Variants in SLC14A2 observed in about 807,000 individuals in gnomAD.
SLC14A2 encodes the protein urea transporter 2.
Under a neutral mutation model 104.6 loss-of-function variants are expected in SLC14A2, and 91 were observed. The observed-to-expected ratio is 0.87, with a 90% CI of 0.73 to 1.04. The LOEUF is 1.04. Ranked by LOEUF, SLC14A2 falls within the 50% of genes least tolerant of loss-of-function variation. The probability of loss-of-function intolerance (pLI) is 0.00; values close to 1 mark genes in which losing one functional copy is unlikely to be tolerated. For missense variants in SLC14A2, 1,189 were observed against 1,156.0 expected (o/e 1.03, Z -0.41); for synonymous variants, 476 against 466.4 (o/e 1.02, Z -0.27).
chr18:45,677,385 G>C (rs1211382896), intron 18 of SLC14A2, among the ~76,000 whole-genome samples: 1 of 152,154 alleles, frequency 6.6e-6, no homozygotes, highest in African/African-American at 2.4e-5. Flanking sequence ...CGGGGGCCTT[G>C]GTAGTGCTTG....
intron 10 of SLC14A2, among the ~76,000 whole-genome samples, chr18:45,645,665 T>C (rs2045612335): frequency 3.6e-5 from 1 of 27,994 alleles, no homozygotes; most frequent in African/African-American, 8.8e-5. Flanking sequence ...GCAAACTTTT[T>C]CTGTAAAGAG....
At chr18:45,183,131 C>T in the SLC14A2 span, among the ~76,000 whole-genome samples, 5 of 152,134 alleles carry the variant, frequency 3.3e-5, no homozygotes, top group Non-Finnish European at 5.9e-5. Flanking sequence ...GTACTGTTTG[C>T]GCTGGCTTCC....
chr18:45,485,776 A>T (rs1174174855), intron 2 of SLC14A2, among the ~76,000 whole-genome samples: 2 of 152,136 alleles, frequency 1.3e-5, no homozygotes, highest in Non-Finnish European at 2.9e-5. Flanking sequence ...GAACTGTTAC[A>T]GTGGCTCTAG....
intron 1 of SLC14A2, among the ~76,000 whole-genome samples, chr18:45,414,757 A>AAAAAAAATATATATAT (rs1360051908): frequency 1.3e-5 from 1 of 76,112 alleles, no homozygotes; most frequent in African/African-American, 7.7e-5. Flanking sequence ...AAAAAAAAAA[A>AAAAAAAATATATATAT]ATATATATAT....
intron 2 of SLC14A2, among the ~76,000 whole-genome samples, chr18:45,595,830 G>A (rs989334753): frequency 7.9e-5 from 12 of 152,090 alleles, no homozygotes; most frequent in African/African-American, 1.9e-4. Flanking sequence ...AGCCTTGAAC[G>A]TCCTTGTTCA....
At chr18:45,590,220 G>T (rs1470647427) in intron 2 of SLC14A2, among the ~76,000 whole-genome samples, 1 of 152,130 alleles carries the variant, frequency 6.6e-6, no homozygotes, top group Non-Finnish European at 1.5e-5. Context: ...TCCCAGTTTG[G>T]CTCTTTCCAT....
chr18:45,174,445 G>C, the SLC14A2 span, among the ~76,000 whole-genome samples: 1 of 152,066 alleles, frequency 6.6e-6, no homozygotes, highest in Non-Finnish European at 1.5e-5. Context: ...ACTCTAGCAA[G>C]GTTACACATA....
intron 1 of SLC14A2, among the ~76,000 whole-genome samples, chr18:45,396,116 G>C (rs974805537): frequency 2.0e-5 from 3 of 152,126 alleles, no homozygotes; most frequent in African/African-American, 7.2e-5. Context: ...TAGCAAATCA[G>C]TTTATCCATA....
At chr18:45,255,534 T>C (rs568254393) in intron 1 of SLC14A2, among the ~76,000 whole-genome samples, 111 of 152,330 alleles carry the variant, frequency 7.3e-4, no homozygotes, top group South Asian at 1.4e-3. Flanking sequence ...AGACCCTTGA[T>C]TGAAACCTTT....
intron 1 of SLC14A2, among the ~76,000 whole-genome samples, chr18:45,237,088 C>G (rs2084262451): frequency 6.6e-6 from 1 of 152,090 alleles, no homozygotes; most frequent in South Asian, 2.1e-4. Context: ...AGAAGAGACA[C>G]CAGCTCAGCC....
chr18:45,660,555 C>A (rs768761069), intron 10 of SLC14A2, among the ~76,000 whole-genome samples: 12 of 152,192 alleles, frequency 7.9e-5, no homozygotes, highest in Admixed American at 6.5e-5. Flanking sequence ...TATCTGTCAT[C>A]ATTTACAGTT....
rs201317306 is a variant in SLC14A2 at position 45,430,241 on chromosome 18, T to TGG, written c.-124-52991_-124-52990dup. On this transcript the variant is annotated intron_variant, in intron 1 of 20. Coordinates refer to the SLC14A2 transcript ENST00000586448. ...GGTAGCTTTCCCCAAATCACATAGT[T>TGG]GGTTAGTAGCAATGCTGGAACAAAA... Among the ~76,000 whole-genome samples, 1,139 of 152,340 alleles carry TGG rather than the reference T, an allele frequency of 7.5e-3. 19 individuals are homozygous for TGG. The South Asian group carries it at 0.075, about 10-fold the overall frequency.
chr18:45,252,254 T>C lies in SLC14A2; in HGVS notation c.-125+39063T>C, dbSNP rs2084431192. The stretch of plus-strand genomic sequence containing the variant: ...TTCTATCATGAGAAGATTTGAAATC[T>C]ATTTTCACCTGAGATTGAGAAAGTA... On this transcript the variant is annotated intron_variant, in intron 1 of 20. Transcript: ENST00000586448. Among the ~76,000 whole-genome samples the C allele has an allele frequency of 2.0e-5, 3 of 152,320 alleles. No individual in the cohort carries two copies. In the South Asian group the frequency reaches 6.2e-4, roughly 32 times the overall value.
chr18:45,488,636 T>G (rs1242149014), intron 2 of SLC14A2, among the ~76,000 whole-genome samples: 4 of 152,214 alleles, frequency 2.6e-5, no homozygotes, highest in Non-Finnish European at 5.9e-5. Context: ...AGCCCAAGTC[T>G]GATCCTGGTG....
the SLC14A2 span, among the ~76,000 whole-genome samples, chr18:45,188,686 G>A: frequency 6.6e-6 from 1 of 152,308 alleles, no homozygotes; most frequent in East Asian, 1.9e-4. Context: ...GTTCTGCAGT[G>A]AGGGTTTGCC....
intron 8 of SLC14A2, among the ~76,000 whole-genome samples, 157 bp downstream of exon 8, chr18:45,641,500 G>A (rs1460584863): frequency 6.6e-6 from 1 of 152,190 alleles, no homozygotes; most frequent in Non-Finnish European, 1.5e-5. Context: ...TAACAGCTGG[G>A]GATTTCAGGT....
chr18:45,370,039 C>CCCA (rs1370555701), intron 1 of SLC14A2, among the ~76,000 whole-genome samples: 1 of 152,210 alleles, frequency 6.6e-6, no homozygotes, highest in Non-Finnish European at 1.5e-5. Context: ...AAGCCATCTT[C>CCCA]TCTAACCAAC....
intron 1 of SLC14A2, among the ~76,000 whole-genome samples, chr18:45,427,499 C>A (rs909294977): frequency 5.9e-5 from 9 of 152,146 alleles, no homozygotes; most frequent in African/African-American, 2.2e-4. Flanking sequence ...TGGGTGCAGG[C>A]AGACCAACAT....
intron 1 of SLC14A2, among the ~76,000 whole-genome samples, chr18:45,393,298 A>G (rs543021926): frequency 2.6e-5 from 4 of 152,362 alleles, no homozygotes; most frequent in African/African-American, 7.2e-5. Context: ...AGAAGAGTCC[A>G]GGAAGACCCA....
Sources: allele counts gnomAD v4.1 joint callset (sites outside exome capture counted in the v4.1 genomes callset), GRCh38; gene constraint gnomAD v4.1.1; transcripts MANE v1.5; gene names NCBI Gene and HGNC (gene_info 2026-07-23, HGNC 2026-07-21).